Variants in SYT9 observed in about 807,000 individuals in gnomAD.
SYT9 encodes the protein synaptotagmin 9.
In SYT9, 22 loss-of-function variants were observed where a neutral mutation model predicts 48.4. The ratio of observed to expected loss-of-function variants is 0.45; its 90% confidence interval spans 0.32 to 0.65. The LOEUF (loss-of-function observed/expected upper bound fraction) is 0.65. SYT9 is among the 30% of genes least tolerant of loss of function. SYT9 has a pLI of 0.03. For synonymous variants in SYT9, 265 were observed against 245.0 expected, an observed-to-expected ratio of 1.08 and a Z score of -0.76; for missense variants, 577 against 622.0, an observed-to-expected ratio of 0.93 and a Z score of 0.77.
intron 3 of SYT9, among the ~76,000 whole-genome samples, chr11:7,415,582 G>A (rs935815330): frequency 6.6e-6 from 1 of 152,110 alleles, no homozygotes; most frequent in South Asian, 2.1e-4. Context: ...ACCCTGGGCC[G>A]TGGGTGGGGC....
chr11:7,388,803 A>G (rs1004165792), intron 3 of SYT9, among the ~76,000 whole-genome samples: 2 of 152,140 alleles, frequency 1.3e-5, no homozygotes, highest in South Asian at 2.1e-4. Flanking sequence ...TTCGAGTTTA[A>G]TTGCGTTATG....
chr11:7,336,626 G>A (rs963107350), intron 3 of SYT9, among the ~76,000 whole-genome samples: 5 of 151,966 alleles, frequency 3.3e-5, no homozygotes, highest in Admixed American at 6.6e-5. Flanking sequence ...TTTTTTCTCA[G>A]CTTTGTCAAA....
chr11:7,421,411 A>G (rs773907055), intron 6 of SYT9, among the ~76,000 whole-genome samples: 3 of 152,242 alleles, frequency 2.0e-5, no homozygotes, highest in Non-Finnish European at 1.5e-5. Context: ...TGCTATTTAC[A>G]TTTAATTTAG....
At chr11:7,402,524 A>C (rs2134076564) in intron 3 of SYT9, among the ~76,000 whole-genome samples, 1 of 152,262 alleles carries the variant, frequency 6.6e-6, no homozygotes, top group South Asian at 2.1e-4. Context: ...TATTAGATGC[A>C]TACACATTTA....
At chr11:7,410,149 G>A (rs922361011) in intron 3 of SYT9, among the ~76,000 whole-genome samples, 1 of 152,086 alleles carries the variant, frequency 6.6e-6, no homozygotes, top group Non-Finnish European at 1.5e-5. Flanking sequence ...GTATCTGTAG[G>A]TACCAGAGTT....
At chr11:7,439,463 G>A (rs573647253) in intron 6 of SYT9, 1 of 152,336 alleles carries the variant, frequency 6.6e-6, no homozygotes, top group South Asian at 2.1e-4. Flanking sequence ...AGGAACACTG[G>A]GACACACCTG....
At chr11:7,385,372 G>C (rs549890023) in intron 3 of SYT9, among the ~76,000 whole-genome samples, 11 of 151,796 alleles carry the variant, frequency 7.2e-5, no homozygotes, top group African/African-American at 2.4e-4. Context: ...GTGTGTGTGC[G>C]TGTGTGTCCA....
chr11:7,274,795 G>A (rs1848357103), intron 1 of SYT9, among the ~76,000 whole-genome samples: 1 of 152,158 alleles, frequency 6.6e-6, no homozygotes, highest in African/African-American at 2.4e-5. Context: ...ATGGAAGAAT[G>A]AGGAGTTTTC....
chr11:7,402,672 A>G (rs1284140911), intron 3 of SYT9, among the ~76,000 whole-genome samples: 1 of 152,144 alleles, frequency 6.6e-6, no homozygotes, highest in African/African-American at 2.4e-5. Flanking sequence ...TAGTATTTAC[A>G]TGGCCTAATT....
rs7940200 is a variant in SYT9, at chr11:7,467,435, C to G, written c.*635C>G. The G allele has an allele frequency of 0.036, 5,519 of 152,368 alleles. 205 individuals carry two copies. Among genetic ancestry groups the G allele is most frequent in the East Asian group, 0.19 (978 of 5,172 alleles). The allele number at this position is 152,368 out of a possible 1,614,324, so 9.4% of individuals were successfully genotyped here. The stretch of plus-strand genomic sequence containing the variant: ...CAAATTCACTGCCTCCTCCCATGCA[C>G]GTGGTAGAGAGTACCAGTATCAACA... On this transcript the variant is annotated 3_prime_UTR_variant, in exon 7 of 7. Coordinates refer to ENST00000318881, the MANE Select transcript of SYT9 (RefSeq NM_175733.4).
At chr11:7,422,803 G>A (rs1056642965) in intron 6 of SYT9, among the ~76,000 whole-genome samples, 2 of 152,184 alleles carry the variant, frequency 1.3e-5, no homozygotes, top group Admixed American at 6.5e-5. Context: ...GGGTCCCTGA[G>A]TGGCAGTATA....
At chr11:7,295,714 GTA>G (rs944186664) in intron 1 of SYT9, among the ~76,000 whole-genome samples, 3 of 151,954 alleles carry the variant, frequency 2.0e-5, no homozygotes, top group African/African-American at 7.3e-5. Flanking sequence ...CCATTTCTTG[GTA>G]TCAATTTCTG....
chr11:7,354,310 C>T (rs1849975994), intron 3 of SYT9, among the ~76,000 whole-genome samples: 1 of 152,162 alleles, frequency 6.6e-6, no homozygotes, highest in Non-Finnish European at 1.5e-5. Context: ...TTGCTTAGAG[C>T]ACTTCATTGG....
intron 3 of SYT9, among the ~76,000 whole-genome samples, chr11:7,332,158 G>T (rs1014130716): frequency 1.3e-5 from 2 of 152,132 alleles, no homozygotes; most frequent in African/African-American, 4.8e-5. Flanking sequence ...GCGAGGCAAA[G>T]GTGTATCAGC....
chr11:7,408,963 A>T (rs1356552986), intron 3 of SYT9, among the ~76,000 whole-genome samples: 1 of 152,146 alleles, frequency 6.6e-6, no homozygotes, highest in Non-Finnish European at 1.5e-5. Flanking sequence ...TGAGTTACAG[A>T]TCTGAGAAGA....
intron 3 of SYT9, among the ~76,000 whole-genome samples, chr11:7,358,618 G>C (rs1436490322): frequency 4.6e-5 from 7 of 152,092 alleles, no homozygotes; most frequent in Admixed American, 4.6e-4. Context: ...AAGATTCATA[G>C]CTTGCAAAAT....
At chr11:7,406,535 CATATATATATATATATAT>C (rs57371051) in intron 3 of SYT9, among the ~76,000 whole-genome samples, 4 of 135,340 alleles carry the variant, frequency 3.0e-5, no homozygotes, top group African/African-American at 8.4e-5. Flanking sequence ...TTCAATTGCG[CATATATATATATATATAT>C]ATATATATAT....
intron 3 of SYT9, among the ~76,000 whole-genome samples, chr11:7,325,075 G>A (rs1351991566): frequency 6.6e-6 from 1 of 152,112 alleles, no homozygotes; most frequent in African/African-American, 2.4e-5. Context: ...TCTATATAGA[G>A]AAATGCTTTT....
chr11:7,366,562 A>G (rs1328114181), intron 3 of SYT9, among the ~76,000 whole-genome samples: 3 of 152,198 alleles, frequency 2.0e-5, no homozygotes, highest in Non-Finnish European at 2.9e-5. Context: ...ATAGACATCC[A>G]CATCTTCATT....
Sources: gnomAD v4.1 joint callset for allele counts (sites outside exome capture counted in the v4.1 genomes callset) on GRCh38, gnomAD v4.1.1 for gene constraint, MANE v1.5 for transcripts, NCBI Gene and HGNC (gene_info 2026-07-23, HGNC 2026-07-21) for gene names.